The following SP7 variants were observed in gnomAD, a reference collection of about 807,000 sequenced individuals.
SP7 encodes the protein Sp7 transcription factor.
Under a neutral mutation model 27.9 loss-of-function variants are expected in SP7, and 13 were observed. The observed-to-expected ratio is 0.47, with a 90% CI of 0.30 to 0.74. SP7 has a LOEUF of 0.74. SP7 is among the 30% of genes least tolerant of loss of function. The pLI, the probability that SP7 is intolerant of heterozygous loss-of-function variation, is 0.06. For missense variants in SP7, 525 were observed against 558.0 expected (o/e 0.94, Z 0.60); for synonymous variants, 219 against 226.7 (o/e 0.97, Z 0.31).
rs115168998 is a variant in SP7 at position 53,328,142 on chromosome 12, C to A, written c.*4G>T. 1.0e-5 allele frequency: 16 copies of A among 1,604,914 alleles called. No individual in the cohort carries two copies. Among genetic ancestry groups the A allele is most frequent in the Middle Eastern group, 1.6e-4 (1 of 6,062 alleles). ...GCCCTGGGGTGGGAGACCTTCCACCCGGCTCAGATCTCCAGCAAGTTGCTC... is the reference window on the plus strand; with the variant it reads ...GCCCTGGGGTGGGAGACCTTCCACCAGGCTCAGATCTCCAGCAAGTTGCTC... On this transcript the variant is annotated 3_prime_UTR_variant, in exon 3 of 3. Coordinates refer to ENST00000536324, the MANE Select transcript of SP7 (RefSeq NM_001173467.3). This position sits in a 1 kb window ranked among gnomAD's most constrained non-coding sequence, Gnocchi z 5.1.
intron 2 of SP7, 120 bp downstream of exon 2, chr12:53,335,506 G>T: frequency 1.4e-6 from 1 of 721,552 alleles, no homozygotes; most frequent in Non-Finnish European, 2.6e-6. Context: ...TCATCAGAAG[G>T]ACCCCTGGAA....
intron 2 of SP7, among the ~76,000 whole-genome samples, chr12:53,335,106 A>G (rs891398601): frequency 6.6e-6 from 1 of 151,344 alleles, no homozygotes; most frequent in Non-Finnish European, 1.5e-5. Flanking sequence ...TCCACACACC[A>G]GCTCACGGGC....
rs1259683835 is a variant in SP7 at position 53,328,267 on chromosome 12, C to T, written c.1175G>A (p.Gly392Glu). Residue 392 changes from glycine (G) to glutamate (E), a missense_variant, in exon 3 of 3, where the codon GGG becomes GAG. Coordinates refer to ENST00000536324, the MANE Select transcript of SP7 (RefSeq NM_001173467.3). The surrounding 1 kb of genome is among the most constrained non-coding windows in gnomAD (Gnocchi z 5.1). ...CTCTTCCCCCGTGCTGCGGCCCTCC[C>T]CCAGCTCCTTGGGGCCACTGGGAGG... ...GPPPSGPKELGEGRSTGEEEA... is the reference protein window; with the variant it reads ...GPPPSGPKELEEGRSTGEEEA... 2 of 1,611,546 alleles carry T rather than the reference C, an allele frequency of 1.2e-6. No homozygotes were observed. Among genetic ancestry groups the T allele is most frequent in the Non-Finnish European group, 1.7e-6 (2 of 1,178,818 alleles).
chr12:53,327,896 C>A lies in SP7; in HGVS notation c.*250G>T, dbSNP rs2136832475. 1 of 481,402 alleles carries A rather than the reference C, an allele frequency of 2.1e-6. No homozygotes were observed. Among genetic ancestry groups the A allele is most frequent in the South Asian group, 3.8e-5 (1 of 26,624 alleles). The allele number at this position is 481,402 out of a possible 1,614,324, so 29.8% of individuals were successfully genotyped here. A position where few individuals can be genotyped will look rare whatever the true frequency, so the allele number is the denominator to read the frequency against. The stretch of plus-strand genomic sequence containing the variant: ...GGCCAGAGTCTAGGAAGCCGGAGTG[C>A]AGGTATCAGGCACAAGGGGAGGGCC... On this transcript the variant is annotated 3_prime_UTR_variant, in exon 3 of 3. Transcript: ENST00000536324.
Position 53,329,353 on chromosome 12 carries a change from G to A in SP7, c.89C>T (p.Ser30Phe), listed in dbSNP as rs768663436. ...AGTTGTTGAGTCCCGCAGAGGGCTA[G>A]AGCCACCAAATTTGCTGCACGCTGC... Reference protein sequence around the residue: ...LTAACSKFGGSSPLRDSTTLG... With the variant: ...LTAACSKFGGFSPLRDSTTLG... Residue 30 changes from serine to phenylalanine, a missense_variant, in exon 3 of 3, where the codon TCT becomes TTT. Transcript: ENST00000536324. 3.1e-6 allele frequency: 5 copies of A among 1,614,020 alleles called. No individual in the cohort carries two copies. The South Asian group carries it at 3.3e-5, about 11-fold the overall frequency.
intron 1 of SP7, among the ~76,000 whole-genome samples, chr12:53,341,475 A>T (rs1944822068): frequency 6.6e-6 from 1 of 152,200 alleles, no homozygotes; most frequent in South Asian, 2.1e-4. Flanking sequence ...GACAACATTG[A>T]ATTAAGTAAG....
rs1565788955 is a variant in SP7, at chr12:53,328,086, G to C, written c.*60C>G. The C allele has an allele frequency of 3.4e-6, 5 of 1,472,874 alleles. No homozygotes were observed. The highest frequency in any genetic ancestry group is 1.8e-4 in the Middle Eastern group (1 of 5,650). 91.2% of individuals were successfully genotyped at this position (1,472,874 alleles called of 1,614,324 possible). On this transcript the variant is annotated 3_prime_UTR_variant, in exon 3 of 3. Transcript: ENST00000536324. The surrounding 1 kb of genome is among the most constrained non-coding windows in gnomAD (Gnocchi z 5.1). ...TAAAGAGAGTGATTGGCAAGCAGTG[G>C]TCTAGAGAGCCAAGAGAGACTGTCA...
chr12:53,328,192 T>TA lies in SP7; in HGVS notation c.1249_1250insT (p.Lys417IlefsTer8). 1 of 1,613,064 alleles carries TA rather than the reference T, an allele frequency of 6.2e-7. No individual in the cohort carries two copies. The highest frequency in any genetic ancestry group is 8.5e-7 in the Non-Finnish European group (1 of 1,179,646). ...CTGCTCAGGGCTGCCTCCAGGGGCT[T>TA]TCTCTGGGGTTGCTGGCGAGGCAGA... On this transcript the variant is annotated frameshift_variant, in exon 3 of 3. Transcript: ENST00000536324. LOFTEE classifies it high-confidence loss of function. The surrounding 1 kb of genome is among the most constrained non-coding windows in gnomAD (Gnocchi z 5.1).
chr12:53,341,218 G>T (rs189924711), upstream of SP7, among the ~76,000 whole-genome samples: 6 of 152,292 alleles, frequency 3.9e-5, no homozygotes, highest in Non-Finnish European at 7.4e-5. Context: ...GGGCTGCAAG[G>T]CAGGACCTCT....
upstream of SP7, among the ~76,000 whole-genome samples, chr12:53,337,880 C>A (rs569662153): frequency 3.9e-5 from 6 of 152,004 alleles, no homozygotes; most frequent in South Asian, 8.3e-4. Flanking sequence ...AGAAACAGAG[C>A]AAATGAAAGA....
At chr12:53,338,106 C>CGGAGGA (rs56061756), upstream of SP7, among the ~76,000 whole-genome samples, 795 of 136,220 alleles carry the variant, frequency 5.8e-3, 3 homozygotes, top group African/African-American at 0.012. Flanking sequence ...TAGCCAGGTC[C>CGGAGGA]GGAGGAGGAG....
At chr12:53,342,153 C>CT (rs1209382262) in intron 1 of SP7, among the ~76,000 whole-genome samples, 1 of 151,864 alleles carries the variant, frequency 6.6e-6, no homozygotes, top group East Asian at 1.9e-4. Context: ...ATCCCAGCTA[C>CT]TCTGGAGGCT....
At chr12:53,334,011 C>T (rs1472362064) in intron 2 of SP7, among the ~76,000 whole-genome samples, 4 of 152,242 alleles carry the variant, frequency 2.6e-5, no homozygotes, top group African/African-American at 9.6e-5. Flanking sequence ...ACGTTGGCAA[C>T]ACTGGCATGA....
intron 2 of SP7, among the ~76,000 whole-genome samples, chr12:53,331,376 G>T (rs1326244559): frequency 2.0e-5 from 3 of 148,388 alleles, no homozygotes; most frequent in Non-Finnish European, 4.4e-5. Context: ...GGAGGCTGAG[G>T]CAGAGAATTG....
At position 53,344,097 on chromosome 12, in the gene SP7, A is replaced by T. The variant is rs190638705; in HGVS notation, c.-34+1017T>A. On this transcript the variant is annotated intron_variant, in intron 1 of 1. Transcript: ENST00000547755. The surrounding 1 kb of genome is among the most constrained non-coding windows in gnomAD (Gnocchi z 4.6). ...AGTCAATGAAGGGGTGATATTGAGGATGTGAGGTGGAGAGGATTTGGTGTC... is the reference window on the plus strand; with the variant it reads ...AGTCAATGAAGGGGTGATATTGAGGTTGTGAGGTGGAGAGGATTTGGTGTC... Among the ~76,000 whole-genome samples the T allele has an allele frequency of 0.086, 13,156 of 152,138 alleles. 765 individuals are homozygous for T. Among genetic ancestry groups the T allele is most frequent in the Non-Finnish European group, 0.13 (8,854 of 67,986 alleles).
intron 1 of SP7, 22 bp from the exon 2 acceptor site, chr12:53,335,715 G>A: frequency 1.9e-6 from 2 of 1,074,586 alleles, no homozygotes; most frequent in Non-Finnish European, 1.3e-6. Flanking sequence ...GGTGGGGGGG[G>A]TAGAGAGAGA....
rs757070637 is a variant in SP7 at position 53,329,147 on chromosome 12, A to T, written c.295T>A (p.Phe99Ile). The change falls in exon 3 of 3, where the codon TTC (phenylalanine) becomes ATC (isoleucine). Residue 99 changes from phenylalanine to isoleucine, a missense_variant. Phe to Ile is a conservative substitution (Grantham distance 21). Transcript: ENST00000536324. The part of the protein sequence containing the change: ...ANDYPPFSHS[F>I]PGPTGTQDPG... ...TCCTGGGTGCCTGTGGGCCCAGGGAATGAGTGGGAAAAGGGAGGGTAATCA... is the reference window on the plus strand; with the variant it reads ...TCCTGGGTGCCTGTGGGCCCAGGGATTGAGTGGGAAAAGGGAGGGTAATCA... 3 of 1,613,712 alleles carry T rather than the reference A, an allele frequency of 1.9e-6. No homozygotes were observed. Among genetic ancestry groups the T allele is most frequent in the Non-Finnish European group, 8.5e-7 (1 of 1,179,822 alleles).
At chr12:53,342,673 A>G (rs4759346) in intron 1 of SP7, among the ~76,000 whole-genome samples, 139,966 of 152,008 alleles carry the variant, frequency 0.92, 65,523 homozygotes, top group East Asian at 1. Flanking sequence ...AAAATTAGCC[A>G]GATGTGGTGG....
At chr12:53,338,944 C>T (rs1160229062), upstream of SP7, among the ~76,000 whole-genome samples, 1 of 152,152 alleles carries the variant, frequency 6.6e-6, no homozygotes, top group East Asian at 1.9e-4. Flanking sequence ...GCTCCCCAGT[C>T]TCCTTCCCAG....
Sources: gnomAD v4.1 joint callset for allele counts (sites outside exome capture counted in the v4.1 genomes callset) on GRCh38, gnomAD v4.1.1 for gene constraint, Gnocchi (gnomAD v3.1) non-coding constraint, MANE v1.5 for transcripts, NCBI Gene and HGNC (gene_info 2026-07-23, HGNC 2026-07-21) for gene names.